The following WNK3 variants were observed in gnomAD, a reference collection of about 807,000 sequenced individuals.
WNK3 encodes the protein WNK lysine deficient protein kinase 3.
WNK3 carries 18 observed loss-of-function variants against 116.7 expected under a neutral mutation model. That is an observed-to-expected ratio of 0.15 (90% confidence interval 0.11 to 0.23). The LOEUF (loss-of-function observed/expected upper bound fraction) is 0.23, where lower values mean the gene tolerates loss of function less well. Among genes scored for constraint, WNK3 ranks in the 10% least tolerant of loss-of-function variants. WNK3 has a pLI of 1.00. For missense variants in WNK3, 993 were observed against 1,323.8 expected (o/e 0.75, Z 3.88); for synonymous variants, 404 against 469.4 (o/e 0.86, Z 1.80).
intron 2 of WNK3, among the ~76,000 whole-genome samples, chrX:54,313,850 G>A (rs1372284969): frequency 9.0e-6 from 1 of 111,019 alleles, no homozygotes; most frequent in Non-Finnish European, 1.9e-5. Context: ...ATAATATCCT[G>A]TCTAATGTTT....
At chrX:54,207,942 T>C (rs781798141) in intron 22 of WNK3, among the ~76,000 whole-genome samples, 2 of 110,440 alleles carry the variant, frequency 1.8e-5, no homozygotes, top group East Asian at 5.7e-4. Context: ...AGCAATGCAG[T>C]ATAATAGTTA....
chrX:54,326,254 C>CCCCAT (rs2069103336), intron 2 of WNK3, among the ~76,000 whole-genome samples: 1 of 110,240 alleles, frequency 9.1e-6, no homozygotes, highest in Middle Eastern at 4.3e-3. Context: ...CTACACCCGG[C>CCCCAT]TAATTTTTTG....
intron 20 of WNK3, among the ~76,000 whole-genome samples, chrX:54,233,945 C>G (rs1774209346): frequency 9.1e-6 from 1 of 110,494 alleles, no homozygotes; most frequent in Non-Finnish European, 1.9e-5. Flanking sequence ...CACCACTGCA[C>G]TCCAGCCTGG....
At chrX:54,263,658 C>T (rs2068280038) in intron 10 of WNK3, among the ~76,000 whole-genome samples, 1 of 111,622 alleles carries the variant, frequency 9.0e-6, no homozygotes, top group Non-Finnish European at 1.9e-5. Context: ...TCAAGTCACA[C>T]AGTGAGTTCA....
intron 22 of WNK3, among the ~76,000 whole-genome samples, chrX:54,228,110 G>C (rs781810602): frequency 7.2e-5 from 8 of 110,761 alleles, no homozygotes; most frequent in African/African-American, 2.6e-4. Flanking sequence ...CCAACTCCTG[G>C]GCTCAAGCAA....
intron 23 of WNK3, among the ~76,000 whole-genome samples, chrX:54,201,263 C>A (rs2067498453): frequency 9.0e-6 from 1 of 111,604 alleles, no homozygotes; most frequent in South Asian, 3.7e-4. Flanking sequence ...TATAATTTTG[C>A]ATAAATTATA....
At chrX:54,217,902 G>A (rs2067716725) in intron 22 of WNK3, among the ~76,000 whole-genome samples, 1 of 111,523 alleles carries the variant, frequency 9.0e-6, no homozygotes, top group Admixed American at 9.6e-5. Context: ...TCCGATACTA[G>A]AAGTTCTTTA....
chrX:54,281,166 G>A (rs190450079), intron 10 of WNK3, among the ~76,000 whole-genome samples: 4 of 111,266 alleles, frequency 3.6e-5, no homozygotes, highest in East Asian at 5.6e-4. Context: ...CCCTTTGTAC[G>A]TGTATGTGTG....
At chrX:54,333,411 G>A in exon 2 of WNK3, 1 of 1,211,451 alleles carries the variant, frequency 8.3e-7, no homozygotes, top group African/African-American at 1.7e-5. Flanking sequence ...ATCTACTCTT[G>A]GAATATTCAT....
chrX:54,317,212 T>A (rs985671094), intron 2 of WNK3, among the ~76,000 whole-genome samples: 1 of 106,384 alleles, frequency 9.4e-6, no homozygotes. Flanking sequence ...CAGTCTGGAG[T>A]ACAGAGGCAC....
chrX:54,288,276 T>C (rs1557164336), intron 10 of WNK3, among the ~76,000 whole-genome samples: 1 of 111,676 alleles, frequency 9.0e-6, no homozygotes, highest in Non-Finnish European at 1.9e-5. Flanking sequence ...TTGCAATGGA[T>C]GTATAATCTG....
chrX:54,358,884 C>T (rs2069638355), upstream of WNK3, among the ~76,000 whole-genome samples: 1 of 112,573 alleles, frequency 8.9e-6, no homozygotes, highest in African/African-American at 3.2e-5. Flanking sequence ...GCCATTTTGC[C>T]GGGAACAATG....
At position 54,224,859 on chromosome X, in the gene WNK3, G is replaced by A. The variant is rs534047400; in HGVS notation, c.4870+3855C>T. Among the ~76,000 whole-genome samples the A allele has an allele frequency of 3.7e-4, 41 of 110,924 alleles. No homozygotes were observed. In the South Asian group the frequency reaches 0.013, roughly 35 times the overall value. ...GCTGGGATTACAGGCGTGAGCCACCGTGCCCTGCCAGTTGGAGACTTCTAT... is the reference window on the plus strand; with the variant it reads ...GCTGGGATTACAGGCGTGAGCCACCATGCCCTGCCAGTTGGAGACTTCTAT... On this transcript the variant is annotated intron_variant, in intron 22 of 23. Transcript: ENST00000354646.
At chrX:54,249,952 T>C (rs781837414) in intron 16 of WNK3, 42 bp downstream of exon 16, 2 of 1,164,605 alleles carry the variant, frequency 1.7e-6, no homozygotes, top group South Asian at 2.1e-5. Context: ...TTGCATCCCA[T>C]CCTTTGAGTC....
intron 10 of WNK3, among the ~76,000 whole-genome samples, chrX:54,272,522 A>G (rs2068395612): frequency 8.9e-6 from 1 of 111,996 alleles, no homozygotes; most frequent in Non-Finnish European, 1.9e-5. Flanking sequence ...AGCTAGTCTC[A>G]GAAACTGGTT....
intron 2 of WNK3, among the ~76,000 whole-genome samples, chrX:54,325,611 G>A (rs888951621): frequency 2.0e-5 from 2 of 101,205 alleles, no homozygotes; most frequent in East Asian, 3.1e-4. Context: ...CCCGGGAGGC[G>A]GAGGTTGCAG....
chrX:54,346,120 ATG>A (rs1394072406), intron 1 of WNK3, among the ~76,000 whole-genome samples: 1 of 4,556 alleles, frequency 2.2e-4, no homozygotes, highest in Admixed American at 4.2e-3. Flanking sequence ...ACACACACAT[ATG>A]TGTGTGTATA....
At chrX:54,299,749 A>C (rs782556763) in intron 6 of WNK3, among the ~76,000 whole-genome samples, 4 of 111,263 alleles carry the variant, frequency 3.6e-5, no homozygotes, top group Non-Finnish European at 5.6e-5. Context: ...CAACCAAGTA[A>C]AGCCCTCTGC....
Position 54,276,522 on chromosome X carries a change from A to G in WNK3, c.2037+16366T>C, listed in dbSNP as rs937014910. ...ACTTAAGGTTCAAAAATCTTCAACA[A>G]AGTATTAGTAAAGTGAATCAAACAA... On this transcript the variant is annotated intron_variant, in intron 10 of 23. Coordinates refer to ENST00000354646, the Ensembl canonical transcript of WNK3. Among the ~76,000 whole-genome samples the G allele has an allele frequency of 5.4e-5, 6 of 111,108 alleles. No individual in the cohort carries two copies. The East Asian group carries it at 1.7e-3, about 31-fold the overall frequency.
Sources: allele counts gnomAD v4.1 joint callset (sites outside exome capture counted in the v4.1 genomes callset), GRCh38; gene constraint gnomAD v4.1.1; transcripts MANE v1.5; gene names NCBI Gene and HGNC (gene_info 2026-07-23, HGNC 2026-07-21).